TEAD1: variants seen among roughly 807,000 people sequenced by gnomAD.
The protein encoded by TEAD1 is TEA domain transcription factor 1.
Under a neutral mutation model 54.9 loss-of-function variants are expected in TEAD1, and 9 were observed. The observed-to-expected ratio is 0.16, with a 90% CI of 0.10 to 0.29. The LOEUF is 0.29. Among genes scored for constraint, TEAD1 ranks in the 10% least tolerant of loss-of-function variants. The pLI, the probability that TEAD1 is intolerant of heterozygous loss-of-function variation, is 1.00. For missense variants in TEAD1, 387 were observed against 535.9 expected, an observed-to-expected ratio of 0.72 and a Z score of 2.74; for synonymous variants, 200 against 187.8, an observed-to-expected ratio of 1.07 and a Z score of -0.53.
chr11:12,717,646 G>A (rs376086265), intron 2 of TEAD1, among the ~76,000 whole-genome samples: 13 of 152,198 alleles, frequency 8.5e-5, no homozygotes, highest in East Asian at 5.8e-4. Context: ...TTATTTGAAA[G>A]TGGGAAGCAT....
chr11:12,922,425 T>G (rs1383766515), intron 10 of TEAD1: 1 of 49,740 alleles, frequency 2.0e-5, no homozygotes, highest in Non-Finnish European at 4.4e-5. Flanking sequence ...CTCGATCTCC[T>G]GACCTTGTGA....
At chr11:12,679,536 T>C (rs771020062) in intron 2 of TEAD1, among the ~76,000 whole-genome samples, 8 of 152,204 alleles carry the variant, frequency 5.3e-5, no homozygotes, top group Admixed American at 1.3e-4. Flanking sequence ...TTCTTACTGA[T>C]ACATAAACTG....
chr11:12,764,074 A>C (rs567399377), intron 2 of TEAD1, 105 bp from the exon 3 acceptor site: 7 of 722,794 alleles, frequency 9.7e-6, no homozygotes, highest in Non-Finnish European at 1.5e-5. Flanking sequence ...AAATAATAAA[A>C]TGAAATGAAA....
At chr11:12,707,086 T>C (rs915543966) in intron 2 of TEAD1, among the ~76,000 whole-genome samples, 1 of 151,130 alleles carries the variant, frequency 6.6e-6, no homozygotes, top group Non-Finnish European at 1.5e-5. Context: ...TTCGGAAGGC[T>C]TAAGGGAAAG....
At chr11:12,789,355 ATTT>A (rs1242166894) in intron 3 of TEAD1, among the ~76,000 whole-genome samples, 2 of 152,140 alleles carry the variant, frequency 1.3e-5, no homozygotes, top group Non-Finnish European at 2.9e-5. Flanking sequence ...TGCTTTTATT[ATTT>A]ATTTTTATTA....
At chr11:12,834,930 T>C (rs1008752797) in intron 3 of TEAD1, among the ~76,000 whole-genome samples, 22 of 152,186 alleles carry the variant, frequency 1.4e-4, no homozygotes, top group Admixed American at 7.9e-4. Context: ...TGTTTCTTCC[T>C]GAGAGTTCTG....
chr11:12,916,759 A>G (rs1397657594), intron 10 of TEAD1, among the ~76,000 whole-genome samples: 1 of 152,214 alleles, frequency 6.6e-6, no homozygotes, highest in Non-Finnish European at 1.5e-5. Flanking sequence ...GTCGGACTGG[A>G]TGGGATGAGT....
At position 12,923,153 on chromosome 11, in the gene TEAD1, A is replaced by G. The variant is rs145519693; in HGVS notation, c.874-1759A>G. 4.6e-3 allele frequency among the ~76,000 whole-genome samples: 697 copies of G among 152,128 alleles called. 4 individuals carry two copies. Among genetic ancestry groups the G allele is most frequent in the African/African-American group, 0.016 (664 of 41,484 alleles). On this transcript the variant is annotated intron_variant, in intron 10 of 12. Coordinates refer to ENST00000527636, the MANE Select transcript of TEAD1 (RefSeq NM_021961.6). The stretch of plus-strand genomic sequence containing the variant: ...GTCAGAGGTGCCTTTTGGAAGGCAG[A>G]GCTGGTTGTGCCCTGTCACTGTTCC...
intron 9 of TEAD1, among the ~76,000 whole-genome samples, chr11:12,896,761 C>T (rs1266739361): frequency 6.6e-6 from 1 of 152,166 alleles, no homozygotes; most frequent in African/African-American, 2.4e-5. Flanking sequence ...AGATAGAATT[C>T]TAAGTATCGA....
intron 12 of TEAD1, among the ~76,000 whole-genome samples, chr11:12,932,313 A>G (rs988389101): frequency 5.9e-5 from 9 of 152,162 alleles, no homozygotes; most frequent in Non-Finnish European, 1.2e-4. Context: ...GCATCACTTT[A>G]GCAGTCAGAC....
intron 3 of TEAD1, among the ~76,000 whole-genome samples, chr11:12,826,093 A>G (rs1946649385): frequency 6.6e-6 from 1 of 152,246 alleles, no homozygotes; most frequent in South Asian, 2.1e-4. Flanking sequence ...AAAAGTCTTC[A>G]TGACCTTGAG....
chr11:12,825,769 A>G (rs1453848169), intron 3 of TEAD1, among the ~76,000 whole-genome samples: 1 of 152,248 alleles, frequency 6.6e-6, no homozygotes, highest in African/African-American at 2.4e-5. Context: ...CTACAAAGCT[A>G]TACTATTCAA....
chr11:12,886,042 G>C (rs1219758614), intron 9 of TEAD1, among the ~76,000 whole-genome samples: 1 of 152,224 alleles, frequency 6.6e-6, no homozygotes, highest in Admixed American at 6.5e-5. Flanking sequence ...TGAACGCTGT[G>C]AGTAACAGGA....
At chr11:12,894,050 A>AAG (rs1198188570) in intron 9 of TEAD1, among the ~76,000 whole-genome samples, 4 of 152,164 alleles carry the variant, frequency 2.6e-5, no homozygotes, top group Non-Finnish European at 4.4e-5. Flanking sequence ...CCGTGACAAG[A>AAG]AGTAAATGTA....
intron 3 of TEAD1, among the ~76,000 whole-genome samples, chr11:12,841,316 C>CTA (rs1947036042): frequency 1.3e-5 from 2 of 152,226 alleles, no homozygotes; most frequent in South Asian, 4.1e-4. Flanking sequence ...CAGGCCATGC[C>CTA]TATAATCGGT....
intron 12 of TEAD1, among the ~76,000 whole-genome samples, chr11:12,934,250 A>G (rs959453214): frequency 2.6e-5 from 4 of 152,196 alleles, no homozygotes; most frequent in Non-Finnish European, 5.9e-5. Context: ...ACGTGGATGA[A>G]GCTGGAAACC....
chr11:12,833,947 G>A (rs1246583196), intron 3 of TEAD1, among the ~76,000 whole-genome samples: 2 of 152,160 alleles, frequency 1.3e-5, no homozygotes, highest in African/African-American at 2.4e-5. Flanking sequence ...CCTTGGGCGT[G>A]GGCTGTGTCT....
rs564970084 is a variant in TEAD1 at position 12,768,140 on chromosome 11, G to C, written c.202+3706G>C. ...TCACTGGTTGCTTGCTGTAGAGGCA[G>C]AGAAGTATATAACACTTAACAGTCT... On this transcript the variant is annotated intron_variant, in intron 3 of 12. Coordinates refer to ENST00000527636, the MANE Select transcript of TEAD1 (RefSeq NM_021961.6). 2.0e-4 allele frequency among the ~76,000 whole-genome samples: 30 copies of C among 152,300 alleles called. No homozygotes were observed. In the South Asian group the frequency reaches 4.2e-3, roughly 21 times the overall value.
rs374701464 is a variant in TEAD1, at chr11:12,750,896, G to GT, written c.-54-13282dup. Among the ~76,000 whole-genome samples, 769 of 152,276 alleles carry GT rather than the reference G, an allele frequency of 5.1e-3. 6 individuals carry two copies. Among genetic ancestry groups the GT allele is most frequent in the Non-Finnish European group, 8.7e-3 (595 of 68,026 alleles). On this transcript the variant is annotated intron_variant, in intron 2 of 12. Transcript: ENST00000527636. The stretch of plus-strand genomic sequence containing the variant: ...CCTATTGATTCCTCCATTGCATCAG[G>GT]TGACATATTTATTCACCTGTTCATA...
Sources: gnomAD v4.1 joint callset for allele counts (sites outside exome capture counted in the v4.1 genomes callset) on GRCh38, gnomAD v4.1.1 for gene constraint, MANE v1.5 for transcripts, NCBI Gene and HGNC (gene_info 2026-07-23, HGNC 2026-07-21) for gene names.